Variants in ZNF804B observed in about 807,000 individuals in gnomAD.
ZNF804B encodes the protein zinc finger 804B.
A neutral mutation model predicts 101.4 loss-of-function variants in ZNF804B; 80 were observed. The ratio of observed to expected loss-of-function variants is 0.79; its 90% CI spans 0.66 to 0.95. The LOEUF is 0.95. Ranked by LOEUF, ZNF804B falls within the 40% of genes least tolerant of loss-of-function variation. The pLI is 0.00. For synonymous variants in ZNF804B, 622 were observed against 558.8 expected (o/e 1.11, Z -1.59); for missense variants, 1,673 against 1,561.9 (o/e 1.07, Z -1.20).
At chr7:89,288,487 G>A (rs1014962805) in intron 2 of ZNF804B, among the ~76,000 whole-genome samples, 1 of 152,000 alleles carries the variant, frequency 6.6e-6, no homozygotes, top group Non-Finnish European at 1.5e-5. Context: ...CAAGATCTAC[G>A]AAAAAGAGAA....
At chr7:88,855,557 C>A (rs1056366572) in intron 1 of ZNF804B, among the ~76,000 whole-genome samples, 1 of 152,066 alleles carries the variant, frequency 6.6e-6, no homozygotes, top group Non-Finnish European at 1.5e-5. Context: ...TGTAGGTTGC[C>A]TGTTCACTCT....
intron 2 of ZNF804B, among the ~76,000 whole-genome samples, chr7:89,231,220 G>A (rs1042377800): frequency 1.3e-5 from 2 of 151,900 alleles, no homozygotes; most frequent in African/African-American, 4.8e-5. Flanking sequence ...TGTGTCTCAT[G>A]GATTTACTTT....
intron 1 of ZNF804B, among the ~76,000 whole-genome samples, chr7:88,854,673 A>G (rs1470060369): frequency 6.8e-6 from 1 of 147,838 alleles, no homozygotes. Flanking sequence ...TTACATGTGT[A>G]TACATGTGCC....
intron 1 of ZNF804B, among the ~76,000 whole-genome samples, chr7:89,194,877 G>A (rs1222235749): frequency 6.6e-6 from 1 of 151,908 alleles, no homozygotes; most frequent in Non-Finnish European, 1.5e-5. Flanking sequence ...GATGGGGATG[G>A]CATTGAATCT....
chr7:89,274,010 C>CA (rs908995175), intron 2 of ZNF804B, among the ~76,000 whole-genome samples: 1 of 151,926 alleles, frequency 6.6e-6, no homozygotes, highest in African/African-American at 2.4e-5. Flanking sequence ...GTCTTGGCCA[C>CA]AAAGAGTAGA....
intron 2 of ZNF804B, among the ~76,000 whole-genome samples, chr7:89,293,448 C>T (rs546786334): frequency 1.3e-5 from 2 of 152,144 alleles, no homozygotes; most frequent in African/African-American, 2.4e-5. Context: ...TGTTTTCTTT[C>T]AATGTCTGGA....
At chr7:89,131,494 A>T (rs1000516445) in intron 1 of ZNF804B, among the ~76,000 whole-genome samples, 1 of 151,976 alleles carries the variant, frequency 6.6e-6, no homozygotes, top group Non-Finnish European at 1.5e-5. Flanking sequence ...TGAAAGGTAG[A>T]TAGACCCCAT....
In ZNF804B at chr7:89,238,369, G is replaced by A. The variant is rs539268590; in HGVS notation, c.249+20074G>A. ...AAACTACTAGTTTTCTAAACTAAGG[G>A]TTGTGATCTGTGAGTGGGTCATGAC... On this transcript the variant is annotated intron_variant, in intron 2 of 3. Coordinates refer to ENST00000333190, the MANE Select transcript of ZNF804B (RefSeq NM_181646.5). 9.9e-5 allele frequency among the ~76,000 whole-genome samples: 15 copies of A among 152,156 alleles called. No homozygotes were observed. The South Asian group carries it at 2.5e-3, about 25-fold the overall frequency.
At chr7:88,898,485 T>A (rs559604113) in intron 1 of ZNF804B, among the ~76,000 whole-genome samples, 1 of 152,092 alleles carries the variant, frequency 6.6e-6, no homozygotes, top group East Asian at 1.9e-4. Flanking sequence ...CGCCCCCTTC[T>A]GCTGCACACA....
At chr7:88,856,901 G>T (rs562682403) in intron 1 of ZNF804B, among the ~76,000 whole-genome samples, 1 of 152,196 alleles carries the variant, frequency 6.6e-6, no homozygotes, top group South Asian at 2.1e-4. Flanking sequence ...TTATATGCTG[G>T]ATTACGTTTA....
intron 1 of ZNF804B, among the ~76,000 whole-genome samples, chr7:89,079,672 A>G (rs1481217286): frequency 6.6e-6 from 1 of 152,066 alleles, no homozygotes; most frequent in Non-Finnish European, 1.5e-5. Context: ...AAACAAAAAC[A>G]AAAACAACAT....
At chr7:89,246,604 G>C (rs1269412485) in intron 2 of ZNF804B, among the ~76,000 whole-genome samples, 1 of 151,900 alleles carries the variant, frequency 6.6e-6, no homozygotes, top group African/African-American at 2.4e-5. Flanking sequence ...AGGCATTTGA[G>C]CACCTGCTCA....
intron 1 of ZNF804B, among the ~76,000 whole-genome samples, chr7:89,159,655 T>C: frequency 6.6e-6 from 1 of 152,266 alleles, no homozygotes; most frequent in South Asian, 2.1e-4. Context: ...ATCAATGAAC[T>C]CTTTCTTCCA....
intron 2 of ZNF804B, among the ~76,000 whole-genome samples, chr7:89,253,773 A>G (rs1005276500): frequency 6.6e-6 from 1 of 152,124 alleles, no homozygotes; most frequent in African/African-American, 2.4e-5. Flanking sequence ...CAAAAATAGT[A>G]AATACGTTAT....
intron 1 of ZNF804B, among the ~76,000 whole-genome samples, chr7:88,911,106 G>A (rs558082508): frequency 1.1e-3 from 167 of 152,044 alleles, no homozygotes; most frequent in Non-Finnish European, 2.1e-3. Flanking sequence ...TTAAAGAAAA[G>A]AACAGTGAAA....
chr7:89,189,701 CG>C (rs1335703551), intron 1 of ZNF804B, among the ~76,000 whole-genome samples: 6 of 152,138 alleles, frequency 3.9e-5, no homozygotes, highest in Non-Finnish European at 5.9e-5. Context: ...CAGCTTCAAG[CG>C]GGGAAGCAGA....
chr7:88,762,536 G>A (rs1789914667), intron 1 of ZNF804B, among the ~76,000 whole-genome samples: 1 of 152,056 alleles, frequency 6.6e-6, no homozygotes, highest in African/African-American at 2.4e-5. Context: ...ATATGAAACT[G>A]TAAACTGTGG....
intron 1 of ZNF804B, among the ~76,000 whole-genome samples, chr7:89,215,836 A>G (rs975122305): frequency 6.6e-6 from 1 of 151,678 alleles, no homozygotes; most frequent in African/African-American, 2.4e-5. Context: ...GTCAGCCGAG[A>G]TCACGCCACT....
chr7:89,336,230 C>T lies in ZNF804B; in HGVS notation c.3248C>T (p.Thr1083Ile). 1.2e-6 allele frequency: 2 copies of T among 1,613,814 alleles called. No individual in the cohort carries two copies. The highest frequency in any genetic ancestry group is 1.7e-6 in the Non-Finnish European group (2 of 1,179,956). Residue 1083 changes from threonine (T) to isoleucine (I), a missense_variant, in exon 4 of 4, where the codon ACT (threonine) becomes ATT (isoleucine). Transcript: ENST00000333190. Reference protein sequence around the residue: ...FPGAFPSNKYTGVTDSTETQE... With the variant: ...FPGAFPSNKYIGVTDSTETQE... The stretch of plus-strand genomic sequence containing the variant: ...GGTGCTTTTCCGTCTAATAAATATA[C>T]TGGTGTGACTGATTCAACAGAGACC...
Sources: gnomAD v4.1 joint callset for allele counts (sites outside exome capture counted in the v4.1 genomes callset) on GRCh38, gnomAD v4.1.1 for gene constraint, MANE v1.5 for transcripts, NCBI Gene and HGNC (gene_info 2026-07-23, HGNC 2026-07-21) for gene names.